Variants in PLXND1 observed in about 807,000 individuals in gnomAD.
PLXND1 encodes plexin D1.
PLXND1 carries 54 observed loss-of-function variants against 197.7 expected under a neutral mutation model. That is an observed-to-expected ratio of 0.27 (90% confidence interval 0.22 to 0.34). PLXND1 has a LOEUF of 0.34. Ranked by LOEUF, PLXND1 falls within the 10% of genes least tolerant of loss-of-function variation. The pLI, the probability that PLXND1 is intolerant of heterozygous loss-of-function variation, is 1.00. For synonymous variants in PLXND1, 1,180 were observed against 1,161.2 expected, an observed-to-expected ratio of 1.02 and a Z score of -0.33; for missense variants, 2,127 against 2,699.2, an observed-to-expected ratio of 0.79 and a Z score of 4.70.
chr3:129,571,665 T>A lies in PLXND1; in HGVS notation c.3245+12A>T. ...CAGAGAGCCTGGGGGAAGGGCGGGG[T>A]GCCAGTCTCACCTGACAGGGCTGCG... On this transcript the variant is annotated intron_variant, in intron 16 of 35. Transcript: ENST00000324093. 1.2e-6 allele frequency: 2 copies of A among 1,613,784 alleles called. No homozygotes were observed. Among genetic ancestry groups the A allele is most frequent in the African/African-American group, 1.3e-5 (1 of 75,010 alleles).
chr3:129,587,790 C>T (rs2085482223), intron 2 of PLXND1, among the ~76,000 whole-genome samples: 1 of 152,240 alleles, frequency 6.6e-6, no homozygotes, highest in Non-Finnish European at 1.5e-5. Context: ...GCTGTGCTCT[C>T]CTCTGGAATA....
chr3:129,574,619 G>A, intron 11 of PLXND1, 129 bp from the exon 12 acceptor site: 1 of 955,494 alleles, frequency 1.0e-6, no homozygotes, highest in East Asian at 2.6e-5. Context: ...CCCAGAGGAA[G>A]TCCTGATTCT....
rs1394193313 is a variant in PLXND1, at chr3:129,555,242, A to T, written c.*1070T>A. ...GTTTGTCCGTAAGGCTTTTATTATA[A>T]AGAAGATTCCAGAGTCCCAGCTGCC... On this transcript the variant is annotated 3_prime_UTR_variant, in exon 36 of 36. Transcript: ENST00000324093. The T allele has an allele frequency of 2.2e-6, 1 of 445,216 alleles. No homozygotes were observed. Among genetic ancestry groups the T allele is most frequent in the Non-Finnish European group, 3.9e-6 (1 of 254,250 alleles). The allele number at this position is 445,216 out of a possible 1,614,324, so 27.6% of individuals were successfully genotyped here.
intron 1 of PLXND1, among the ~76,000 whole-genome samples, chr3:129,596,582 T>A (rs936331034): frequency 1.3e-5 from 2 of 152,048 alleles, no homozygotes; most frequent in African/African-American, 4.8e-5. Flanking sequence ...ACGAAGCCAG[T>A]CTTTCCAAGC....
intron 1 of PLXND1, 68 bp downstream of exon 1, chr3:129,605,261 T>TTGG: frequency 4.0e-6 from 2 of 493,838 alleles, no homozygotes; most frequent in Non-Finnish European, 6.2e-6. Context: ...CCCGCTCGGT[T>TTGG]CCCGCCCGCC....
chr3:129,579,319 G>A (rs929657234), intron 8 of PLXND1, among the ~76,000 whole-genome samples: 3 of 152,124 alleles, frequency 2.0e-5, no homozygotes, highest in African/African-American at 7.2e-5. Flanking sequence ...GAGCTGGGGC[G>A]CGTGTTAAGA....
Position 129,555,561 on chromosome 3 carries a change from G to C in PLXND1, c.*751C>G. 1.5e-6 allele frequency: 1 copy of C among 660,666 alleles called. No individual in the cohort carries two copies. Among genetic ancestry groups the C allele is most frequent in the Non-Finnish European group, 2.7e-6 (1 of 372,200 alleles). 40.9% of individuals were successfully genotyped at this position (660,666 alleles called of 1,614,324 possible). ...TATAAAAGCTTTAAAAAAAAAAGTGGTGCTATCTTTAGAAACACTTTCAGC... is the reference window on the plus strand; with the variant it reads ...TATAAAAGCTTTAAAAAAAAAAGTGCTGCTATCTTTAGAAACACTTTCAGC... On this transcript the variant is annotated 3_prime_UTR_variant, in exon 36 of 36. Coordinates refer to ENST00000324093, the MANE Select transcript of PLXND1 (RefSeq NM_015103.3).
At position 129,578,696 on chromosome 3, in the gene PLXND1, A is replaced by C; in HGVS notation, c.2242-263T>G. The C allele has an allele frequency of 8.3e-6, 4 of 483,480 alleles. No individual in the cohort carries two copies. In the South Asian group the frequency reaches 1.1e-4, roughly 14 times the overall value. 29.9% of individuals were successfully genotyped at this position (483,480 alleles called of 1,614,324 possible). On this transcript the variant is annotated intron_variant, in intron 8 of 35. Coordinates refer to ENST00000324093, the MANE Select transcript of PLXND1 (RefSeq NM_015103.3). ...GCATAACCCGCCCAGTGGTGGGGCC[A>C]ATTTCCTCCATGAGTGCTCCCTGGC...
Position 129,556,299 on chromosome 3 carries a change from CT to C in PLXND1, c.*12del, listed in dbSNP as rs781377785. On this transcript the variant is annotated 3_prime_UTR_variant, in exon 36 of 36. Transcript: ENST00000324093. ...TTTCTCCCAGCAGCAGCCTGACCAA[CT>C]CTCCATGTGTCTCAGGCCTCACTGT... 1 of 1,557,022 alleles carries C rather than the reference CT, an allele frequency of 6.4e-7. No homozygotes were observed. Among genetic ancestry groups the C allele is most frequent in the Non-Finnish European group, 8.9e-7 (1 of 1,128,028 alleles).
In PLXND1 at chr3:129,606,673, G is replaced by T. The variant is rs1242163771; in HGVS notation, c.-34C>A. The T allele has an allele frequency of 2.4e-5, 21 of 884,276 alleles. No homozygotes were observed. The highest frequency in any genetic ancestry group is 1.9e-4 in the Admixed American group (3 of 15,936). 54.8% of individuals were successfully genotyped at this position (884,276 alleles called of 1,614,324 possible). On this transcript the variant is annotated 5_prime_UTR_variant, in exon 1 of 36. Transcript: ENST00000324093. Reference sequence around the variant, plus strand: ...GCGCGGGCTGCGCGGCGCGGCGAGTGCATGGGGCGAGGCGCGGCCGGGAGC... The same window carrying T: ...GCGCGGGCTGCGCGGCGCGGCGAGTTCATGGGGCGAGGCGCGGCCGGGAGC...
At chr3:129,578,935 T>C (rs924056571) in intron 8 of PLXND1, among the ~76,000 whole-genome samples, 1 of 152,206 alleles carries the variant, frequency 6.6e-6, no homozygotes, top group African/African-American at 2.4e-5. Context: ...GGGAGGGCTC[T>C]GAATACCAGG....
At chr3:129,584,689 C>CAA (rs1406683587) in intron 5 of PLXND1, 127 bp from the exon 6 acceptor site, 14 of 844,594 alleles carry the variant, frequency 1.7e-5, no homozygotes, top group Non-Finnish European at 2.2e-5. Flanking sequence ...TAGTGGTGGC[C>CAA]AGGACTCAGG....
chr3:129,598,785 C>T (rs1348436076), intron 1 of PLXND1, among the ~76,000 whole-genome samples: 1 of 152,046 alleles, frequency 6.6e-6, no homozygotes, highest in Non-Finnish European at 1.5e-5. Context: ...GGCGCTACAG[C>T]CAGAAGCCTG....
intron 29 of PLXND1, 37 bp downstream of exon 29, chr3:129,561,609 G>A (rs773467408): frequency 8.7e-6 from 13 of 1,495,538 alleles, no homozygotes; most frequent in South Asian, 3.5e-5. Flanking sequence ...CTGTCCACAC[G>A]CAGCCTGGGC....
At chr3:129,563,429 T>C (rs958786523) in intron 25 of PLXND1, among the ~76,000 whole-genome samples, 189 bp from the exon 26 acceptor site, 1 of 152,160 alleles carries the variant, frequency 6.6e-6, no homozygotes, top group Non-Finnish European at 1.5e-5. Flanking sequence ...CACCACCAGC[T>C]GTGGGTGGGT....
At chr3:129,574,639 G>A in intron 11 of PLXND1, 149 bp from the exon 12 acceptor site, 1 of 818,692 alleles carries the variant, frequency 1.2e-6, no homozygotes, top group African/African-American at 1.7e-5. Flanking sequence ...TGGGGGTCAG[G>A]ATCCCCTGAG....
chr3:129,606,259 G>A lies in PLXND1; in HGVS notation c.381C>T (p.Ile127=), dbSNP rs759699766. The A allele has an allele frequency of 5.7e-6, 9 of 1,567,778 alleles. No homozygotes were observed. The highest frequency in any genetic ancestry group is 7.7e-6 in the Non-Finnish European group (9 of 1,162,608). The part of the protein sequence containing the change: ...PRRLTDNYNK[I]LQLDPGQGLV... ...GGCCCTGGCCGGGGTCCAGCTGCAG[G>A]ATCTTGTTGTAGTTGTCCGTGAGGC... The change falls in exon 1 of 36, where the codon ATC becomes ATT. Residue 127 remains isoleucine, a synonymous_variant. Transcript: ENST00000324093.
At chr3:129,572,974 C>T (rs1320062243) in intron 13 of PLXND1, 33 bp from the exon 14 acceptor site, 2 of 1,542,112 alleles carry the variant, frequency 1.3e-6, no homozygotes, top group Non-Finnish European at 1.8e-6. Flanking sequence ...GCCAGCGGTC[C>T]TTGGCCCCCA....
In PLXND1 at chr3:129,558,180, C is replaced by A. The variant is rs2108761420; in HGVS notation, c.5445+248G>T. ...CTCAGGCCTGTGTTCAAAGCCAGTG[C>A]CAGGCACAGCTGCAGCATGTGCAGT... On this transcript the variant is annotated intron_variant, in intron 33 of 35. Transcript: ENST00000324093. This position sits in a 1 kb window ranked among gnomAD's most constrained non-coding sequence, Gnocchi z 4.1. Among the ~76,000 whole-genome samples the A allele has an allele frequency of 6.6e-6, 1 of 152,322 alleles. No individual in the cohort carries two copies. The highest frequency in any genetic ancestry group is 1.5e-5 in the Non-Finnish European group (1 of 68,034).
Sources: allele counts gnomAD v4.1 joint callset (sites outside exome capture counted in the v4.1 genomes callset), GRCh38; gene constraint gnomAD v4.1.1; non-coding constraint Gnocchi (gnomAD v3.1); transcripts MANE v1.5; gene names NCBI Gene and HGNC (gene_info 2026-07-23, HGNC 2026-07-21).